FSTL4: variants seen among roughly 807,000 people sequenced by gnomAD.
The protein encoded by FSTL4 is follistatin-related protein 4.
Under a neutral mutation model 78.2 loss-of-function variants are expected in FSTL4, and 28 were observed. The observed-to-expected ratio is 0.36, with a 90% CI of 0.27 to 0.49. The LOEUF (loss-of-function observed/expected upper bound fraction) is 0.49. Ranked by LOEUF, FSTL4 falls within the 20% of genes least tolerant of loss-of-function variation. FSTL4 has a pLI of 0.98. For missense variants in FSTL4, 922 were observed against 1,084.9 expected (o/e 0.85, Z 2.11); for synonymous variants, 422 against 440.5 (o/e 0.96, Z 0.53).
chr5:133,599,848 G>T (rs181536005), intron 2 of FSTL4, among the ~76,000 whole-genome samples: 55 of 151,494 alleles, frequency 3.6e-4, no homozygotes, highest in Non-Finnish European at 5.6e-4. Flanking sequence ...CTGCAAAAGT[G>T]GGGGGGCGGC....
At chr5:133,783,388 C>T in the FSTL4 span, among the ~76,000 whole-genome samples, 1 of 152,192 alleles carries the variant, frequency 6.6e-6, no homozygotes, top group African/African-American at 2.4e-5. Flanking sequence ...CCTTTTGTCC[C>T]AGCATAATTA....
At chr5:133,780,803 CAG>C in the FSTL4 span, among the ~76,000 whole-genome samples, 1,121 of 152,258 alleles carry the variant, frequency 7.4e-3, 12 homozygotes, top group African/African-American at 0.025. Flanking sequence ...AGAACTTGCT[CAG>C]AGTCACACGG....
At chr5:133,317,542 G>T (rs1486962735) in intron 4 of FSTL4, among the ~76,000 whole-genome samples, 6 of 152,358 alleles carry the variant, frequency 3.9e-5, no homozygotes, top group Non-Finnish European at 8.8e-5. Flanking sequence ...GAAGGCCAAT[G>T]GGTTGCTGGA....
the FSTL4 span, among the ~76,000 whole-genome samples, chr5:133,711,630 G>A: frequency 1.6e-3 from 240 of 152,328 alleles, no homozygotes; most frequent in African/African-American, 5.6e-3. Flanking sequence ...ACACAGAGCT[G>A]AGCACTGTGA....
chr5:133,557,402 A>G (rs1759812618), intron 3 of FSTL4, among the ~76,000 whole-genome samples: 1 of 152,224 alleles, frequency 6.6e-6, no homozygotes, highest in Admixed American at 6.5e-5. Flanking sequence ...ATATGCTTAG[A>G]GAATTTCCTT....
chr5:133,433,792 G>A lies in FSTL4; in HGVS notation c.161-32806C>T, dbSNP rs138214310. Reference sequence around the variant, plus strand: ...TCAGCTCTGTAAAGAGCTGGGGGAAGCACGGCAGGCAGAGGGAAGAGCTGG... The same window carrying A: ...TCAGCTCTGTAAAGAGCTGGGGGAAACACGGCAGGCAGAGGGAAGAGCTGG... On this transcript the variant is annotated intron_variant, in intron 3 of 15. Coordinates refer to ENST00000265342, the MANE Select transcript of FSTL4 (RefSeq NM_015082.2). Among the ~76,000 whole-genome samples the A allele has an allele frequency of 7.2e-3, 1,101 of 152,304 alleles. 18 individuals carry two copies. The highest frequency in any genetic ancestry group is 0.024 in the African/African-American group (997 of 41,568).
the FSTL4 span, among the ~76,000 whole-genome samples, chr5:133,737,561 C>G: frequency 6.8e-6 from 1 of 148,098 alleles, no homozygotes; most frequent in Non-Finnish European, 1.5e-5. Context: ...AGTGCTGCAA[C>G]AAACATAGGA....
chr5:133,522,414 G>A (rs1290714452), intron 3 of FSTL4, among the ~76,000 whole-genome samples: 1 of 152,092 alleles, frequency 6.6e-6, no homozygotes, highest in African/African-American at 2.4e-5. Context: ...CTTGGGCATT[G>A]GGATTTAAAA....
At chr5:133,499,385 C>CAT (rs1758441383) in intron 3 of FSTL4, among the ~76,000 whole-genome samples, 3 of 147,802 alleles carry the variant, frequency 2.0e-5, no homozygotes, top group South Asian at 2.1e-4. Flanking sequence ...CACACACACA[C>CAT]ACACACACAC....
chr5:133,629,188 T>C, the FSTL4 span, among the ~76,000 whole-genome samples: 3 of 151,588 alleles, frequency 2.0e-5, no homozygotes, highest in Admixed American at 2.0e-4. Context: ...TAAAGAGGTG[T>C]TGAATTTTAT....
At chr5:133,245,487 T>C (rs1752014943) in intron 7 of FSTL4, among the ~76,000 whole-genome samples, 1 of 152,264 alleles carries the variant, frequency 6.6e-6, no homozygotes, top group Non-Finnish European at 1.5e-5. Context: ...CTTTATGTTC[T>C]AGCCCCAGTC....
intron 3 of FSTL4, among the ~76,000 whole-genome samples, chr5:133,456,411 G>T (rs896063804): frequency 6.6e-6 from 1 of 152,212 alleles, no homozygotes; most frequent in Non-Finnish European, 1.5e-5. Flanking sequence ...TACACACTTG[G>T]CTAGTGAGCC....
chr5:133,752,364 T>A, the FSTL4 span, among the ~76,000 whole-genome samples: 3 of 152,108 alleles, frequency 2.0e-5, no homozygotes, highest in African/African-American at 7.2e-5. Context: ...GCCTATAGGT[T>A]TTCCCAGTAA....
the FSTL4 span, among the ~76,000 whole-genome samples, chr5:133,833,434 G>A: frequency 4.6e-5 from 7 of 152,124 alleles, no homozygotes; most frequent in South Asian, 2.1e-4. Context: ...TAATCTGTTC[G>A]TTAAAGCAGA....
chr5:133,219,524 G>A (rs1433113130), intron 12 of FSTL4, among the ~76,000 whole-genome samples: 1 of 152,174 alleles, frequency 6.6e-6, no homozygotes, highest in Non-Finnish European at 1.5e-5. Context: ...AGACATCTAA[G>A]CCAGCAGAGA....
At chr5:133,331,176 C>T (rs953643899) in intron 4 of FSTL4, among the ~76,000 whole-genome samples, 3 of 152,206 alleles carry the variant, frequency 2.0e-5, no homozygotes, top group African/African-American at 7.2e-5. Flanking sequence ...CAGAACTGGG[C>T]TCTCTCCTGT....
At chr5:133,377,438 G>A (rs1259765106) in intron 4 of FSTL4, among the ~76,000 whole-genome samples, 3 of 152,224 alleles carry the variant, frequency 2.0e-5, no homozygotes, top group Admixed American at 2.0e-4. Flanking sequence ...GGCGAGACAG[G>A]CCATTAAAAT....
chr5:133,625,302 A>T, the FSTL4 span, among the ~76,000 whole-genome samples: 2 of 151,914 alleles, frequency 1.3e-5, no homozygotes, highest in South Asian at 4.1e-4. Flanking sequence ...CCTAATAGTT[A>T]TAGGACTATT....
At chr5:133,230,744 T>C (rs2126800545) in intron 8 of FSTL4, among the ~76,000 whole-genome samples, 1 of 152,258 alleles carries the variant, frequency 6.6e-6, no homozygotes, top group East Asian at 1.9e-4. Flanking sequence ...TCCTGCGCCT[T>C]ATCCCAGATC....
Sources: gnomAD v4.1 joint callset for allele counts (sites outside exome capture counted in the v4.1 genomes callset) on GRCh38, gnomAD v4.1.1 for gene constraint, MANE v1.5 for transcripts, NCBI Gene and HGNC (gene_info 2026-07-23, HGNC 2026-07-21) for gene names.